CSNK2A2IP: variants seen among roughly 807,000 people sequenced by gnomAD.
CSNK2A2IP encodes casein kinase 2 subunit alpha' interacting protein.
the CSNK2A2IP span, among the ~76,000 whole-genome samples, chr3:88,340,029 G>A: frequency 1.3e-5 from 2 of 152,074 alleles, no homozygotes; most frequent in Admixed American, 6.6e-5. Context: ...TTGCCTATTT[G>A]CGAGGACACG....
At chr3:88,360,680 T>C in the CSNK2A2IP span, among the ~76,000 whole-genome samples, 1 of 152,166 alleles carries the variant, frequency 6.6e-6, no homozygotes, top group Non-Finnish European at 1.5e-5. Flanking sequence ...ATATTCAATG[T>C]TATTAATAAT....
chr3:88,383,597 C>A, the CSNK2A2IP span, among the ~76,000 whole-genome samples: 2 of 151,072 alleles, frequency 1.3e-5, no homozygotes, highest in Admixed American at 1.3e-4. Flanking sequence ...TAGGCTAGAT[C>A]CTGGGAATTA....
the CSNK2A2IP span, among the ~76,000 whole-genome samples, chr3:88,461,411 G>A: frequency 6.6e-6 from 1 of 152,116 alleles, no homozygotes; most frequent in South Asian, 2.1e-4. Context: ...AAATTAGCCG[G>A]GCGTGGTGGT....
the CSNK2A2IP span, among the ~76,000 whole-genome samples, chr3:88,340,687 G>T: frequency 4.6e-5 from 7 of 151,950 alleles, no homozygotes; most frequent in Admixed American, 1.3e-4. Context: ...AAGGGCTAAT[G>T]AATAGCCTCA....
the CSNK2A2IP span, among the ~76,000 whole-genome samples, chr3:88,370,586 C>T: frequency 1.4e-5 from 2 of 140,668 alleles, no homozygotes; most frequent in African/African-American, 5.1e-5. Context: ...CTTTCTCTCT[C>T]TCTTTCTTTC....
chr3:88,368,616 T>C, the CSNK2A2IP span, among the ~76,000 whole-genome samples: 10 of 152,022 alleles, frequency 6.6e-5, no homozygotes, highest in African/African-American at 2.4e-4. Context: ...TTCCTATAGG[T>C]TTAAGTAATT....
the CSNK2A2IP span, among the ~76,000 whole-genome samples, chr3:88,429,932 T>G: frequency 2.6e-5 from 4 of 151,716 alleles, no homozygotes; most frequent in Non-Finnish European, 4.4e-5. Flanking sequence ...TTTTTTTTTT[T>G]TTGTATTTTT....
the CSNK2A2IP span, among the ~76,000 whole-genome samples, chr3:88,448,239 A>T: frequency 2.0e-5 from 3 of 152,326 alleles, no homozygotes; most frequent in South Asian, 6.2e-4. Context: ...CTACACCTTG[A>T]CAAATGTTTG....
chr3:88,465,901 T>A, the CSNK2A2IP span: 1 of 1,231,608 alleles, frequency 8.1e-7, no homozygotes, highest in South Asian at 4.1e-5. Flanking sequence ...AGTCTCAAGT[T>A]CATCATTATT....
At chr3:88,406,739 C>A in the CSNK2A2IP span, among the ~76,000 whole-genome samples, 1 of 152,208 alleles carries the variant, frequency 6.6e-6, no homozygotes, top group East Asian at 1.9e-4. Flanking sequence ...GAAGCAAATG[C>A]ACCTGTGTAG....
chr3:88,407,292 C>CA, the CSNK2A2IP span, among the ~76,000 whole-genome samples: 52,412 of 102,722 alleles, frequency 0.51, 14,246 homozygotes, highest in South Asian at 0.65. Flanking sequence ...CAGAAAAGTC[C>CA]AAAAAAAAAA....
chr3:88,389,685 A>G, the CSNK2A2IP span, among the ~76,000 whole-genome samples: 2 of 152,182 alleles, frequency 1.3e-5, no homozygotes, highest in Non-Finnish European at 2.9e-5. Flanking sequence ...CGTGGCTTGC[A>G]CTAGTGTATT....
the CSNK2A2IP span, among the ~76,000 whole-genome samples, chr3:88,341,694 T>C: frequency 6.6e-6 from 1 of 151,994 alleles, no homozygotes; most frequent in Admixed American, 6.6e-5. Context: ...TAGATGACCT[T>C]GAACTATTTT....
chr3:88,464,461 AT>A, the CSNK2A2IP span, among the ~76,000 whole-genome samples: 1 of 151,798 alleles, frequency 6.6e-6, no homozygotes, highest in Non-Finnish European at 1.5e-5. Context: ...AAAGAAAAAA[AT>A]TCAGTGAAGA....
chr3:88,407,357 T>C, the CSNK2A2IP span, among the ~76,000 whole-genome samples: 3 of 149,598 alleles, frequency 2.0e-5, no homozygotes, highest in Admixed American at 6.7e-5. Context: ...TCTTGTAACA[T>C]TTAGTATGTT....
chr3:88,409,991 A>C, the CSNK2A2IP span, among the ~76,000 whole-genome samples: 1 of 152,088 alleles, frequency 6.6e-6, no homozygotes, highest in Non-Finnish European at 1.5e-5. Context: ...AATTAGGATC[A>C]TTGTGTGTTA....
chr3:88,417,581 T>C, the CSNK2A2IP span, among the ~76,000 whole-genome samples: 1 of 152,186 alleles, frequency 6.6e-6, no homozygotes, highest in Non-Finnish European at 1.5e-5. Context: ...AGATGGTGAG[T>C]TCCCAGGTTG....
the CSNK2A2IP span, among the ~76,000 whole-genome samples, chr3:88,342,289 C>T: frequency 1.3e-5 from 2 of 151,940 alleles, no homozygotes; most frequent in South Asian, 4.1e-4. Context: ...TTCTGTACAT[C>T]GTGAATTATA....
At chr3:88,384,478 CAGG>C in the CSNK2A2IP span, among the ~76,000 whole-genome samples, 1 of 152,002 alleles carries the variant, frequency 6.6e-6, no homozygotes, top group Non-Finnish European at 1.5e-5. Flanking sequence ...AAGAACATGG[CAGG>C]AGTGAGGAGA....
Sources: gnomAD v4.1 joint callset for allele counts (sites outside exome capture counted in the v4.1 genomes callset) on GRCh38, gnomAD v4.1.1 for gene constraint, MANE v1.5 for transcripts, NCBI Gene and HGNC (gene_info 2026-07-23, HGNC 2026-07-21) for gene names.